Variants in MYO16 observed in about 807,000 individuals in gnomAD.
MYO16 encodes the protein unconventional myosin-XVI.
In MYO16, 94 loss-of-function variants were observed where a neutral mutation model predicts 205.3. The ratio of observed to expected loss-of-function variants is 0.46; its 90% CI spans 0.39 to 0.54. The LOEUF (loss-of-function observed/expected upper bound fraction) is 0.54. Ranked by LOEUF, MYO16 falls within the 20% of genes least tolerant of loss-of-function variation. The pLI is 0.00. For missense variants in MYO16, 2,315 were observed against 2,387.5 expected (o/e 0.97, Z 0.63); for synonymous variants, 988 against 954.0 (o/e 1.04, Z -0.66).
At chr13:108,773,269 T>G (rs561756877) in intron 4 of MYO16, among the ~76,000 whole-genome samples, 1 of 152,306 alleles carries the variant, frequency 6.6e-6, no homozygotes, top group East Asian at 1.9e-4. Flanking sequence ...AAACATATAG[T>G]CCGTTGTATT....
chr13:108,845,805 C>T (rs976361915), intron 10 of MYO16, among the ~76,000 whole-genome samples: 2 of 152,150 alleles, frequency 1.3e-5, no homozygotes, highest in African/African-American at 2.4e-5. Context: ...CAGCCTCAAC[C>T]TCACAGGCTC....
chr13:108,999,968 T>C (rs1885159457), intron 21 of MYO16, among the ~76,000 whole-genome samples: 1 of 152,238 alleles, frequency 6.6e-6, no homozygotes, highest in South Asian at 2.1e-4. Context: ...GTTTTTTCCA[T>C]AGTGGAATTT....
intron 1 of MYO16, among the ~76,000 whole-genome samples, chr13:108,665,272 T>TATTC (rs1190987917): frequency 1.1e-4 from 16 of 152,118 alleles, no homozygotes; most frequent in African/African-American, 3.9e-4. Flanking sequence ...ATTTATTATT[T>TATTC]ATTTATTTAT....
chr13:108,754,297 T>C (rs34204440), intron 4 of MYO16, among the ~76,000 whole-genome samples: 23,710 of 152,102 alleles, frequency 0.16, 2,079 homozygotes, highest in Non-Finnish European at 0.21. Flanking sequence ...GAACAAGCTG[T>C]AGCATGCAGG....
At chr13:108,520,016 C>T in the MYO16 span, among the ~76,000 whole-genome samples, 501 of 152,210 alleles carry the variant, frequency 3.3e-3, 1 homozygote, top group Non-Finnish European at 5.4e-3. Flanking sequence ...AAGATAGCAA[C>T]TTACTAGAAT....
intron 1 of MYO16, among the ~76,000 whole-genome samples, chr13:108,648,762 T>A (rs977558783): frequency 6.6e-6 from 1 of 152,040 alleles, no homozygotes; most frequent in Non-Finnish European, 1.5e-5. Flanking sequence ...AATCAACTCA[T>A]AATGGTTTAA....
At chr13:108,667,175 G>A (rs371620380) in intron 2 of MYO16, among the ~76,000 whole-genome samples, 1 of 152,030 alleles carries the variant, frequency 6.6e-6, no homozygotes, top group Non-Finnish European at 1.5e-5. Context: ...TTTCAAATGG[G>A]GATTGTGGAT....
intron 24 of MYO16, among the ~76,000 whole-genome samples, chr13:109,047,322 C>T (rs1887079763): frequency 6.6e-6 from 1 of 152,050 alleles, no homozygotes; most frequent in Non-Finnish European, 1.5e-5. Flanking sequence ...GTTATTTAAG[C>T]CACAACAGGG....
chr13:109,049,609 T>G (rs1298278087), intron 24 of MYO16, among the ~76,000 whole-genome samples: 1 of 152,124 alleles, frequency 6.6e-6, no homozygotes, highest in East Asian at 1.9e-4. Flanking sequence ...ACCCACCTTC[T>G]CAGTAATGTT....
At chr13:108,982,172 G>T (rs1008101115) in intron 20 of MYO16, among the ~76,000 whole-genome samples, 12 of 152,322 alleles carry the variant, frequency 7.9e-5, no homozygotes, top group African/African-American at 2.9e-4. Flanking sequence ...AGGACATGAG[G>T]ACTATGGTTA....
chr13:108,800,612 T>C (rs1886942757), intron 6 of MYO16, among the ~76,000 whole-genome samples: 2 of 152,226 alleles, frequency 1.3e-5, no homozygotes, highest in Admixed American at 1.3e-4. Context: ...CCTGTGTTAG[T>C]GTTATGATGA....
chr13:108,846,764 T>A (rs990196809), intron 10 of MYO16, among the ~76,000 whole-genome samples: 8 of 152,162 alleles, frequency 5.3e-5, no homozygotes, highest in African/African-American at 1.9e-4. Flanking sequence ...TTTTTGTTTT[T>A]ACTGGCATTG....
chr13:108,497,914 T>C, the MYO16 span, among the ~76,000 whole-genome samples: 2 of 152,286 alleles, frequency 1.3e-5, no homozygotes, highest in East Asian at 3.9e-4. Context: ...TGAATAAAAA[T>C]AGAAATATTG....
intron 21 of MYO16, among the ~76,000 whole-genome samples, chr13:109,004,871 G>A (rs1241193420): frequency 6.6e-6 from 1 of 152,148 alleles, no homozygotes; most frequent in Non-Finnish European, 1.5e-5. Flanking sequence ...AATCGTATTT[G>A]CCTTAACAAC....
chr13:108,677,022 G>T (rs1390944074), intron 2 of MYO16, among the ~76,000 whole-genome samples: 2 of 152,108 alleles, frequency 1.3e-5, no homozygotes, highest in African/African-American at 4.8e-5. Flanking sequence ...ACTAAAATGT[G>T]TGTTATGCAA....
Position 108,684,133 on chromosome 13 carries a change from C to G in MYO16, c.292+17984C>G, listed in dbSNP as rs1361932175. On this transcript the variant is annotated intron_variant, in intron 2 of 34. Transcript: ENST00000457511. ...TCGTGATCCGCCCGCCTCGGCCTCC[C>G]GAAGTGCTGGGATTACAGGCGTGAG... is the stretch of plus-strand genomic sequence containing the variant. Among the ~76,000 whole-genome samples, 6 of 152,178 alleles carry G rather than the reference C, an allele frequency of 3.9e-5. No individual in the cohort carries two copies. The East Asian group carries it at 1.2e-3, about 29-fold the overall frequency.
Position 109,141,009 on chromosome 13 carries a change from GC to G in MYO16, c.4802del (p.Pro1601ArgfsTer24). The G allele has an allele frequency of 7.7e-7, 1 of 1,291,878 alleles. No homozygotes were observed. The highest frequency in any genetic ancestry group is 9.8e-7 in the Non-Finnish European group (1 of 1,015,808). The allele number at this position is 1,291,878 out of a possible 1,614,324, so 80.0% of individuals were successfully genotyped here. A position where few individuals can be genotyped will look rare whatever the true frequency, so the allele number is the denominator to read the frequency against. On this transcript the variant is annotated frameshift_variant, in exon 32 of 35. Coordinates refer to ENST00000457511, the MANE Select transcript of MYO16 (RefSeq NM_001198950.3). LOFTEE classifies it high-confidence loss of function. The surrounding 1 kb of genome is among the most constrained non-coding windows in gnomAD (Gnocchi z 4.1). Reference protein sequence around the residue: ...SPPSTPPPPPPPPGPPPAPYR... With the variant: ...SPPSTPPPPPXPPGPPPAPYR... Reference sequence around the variant, plus strand: ...CGCCGTCCACGCCGCCCCCGCCCCCGCCCCCGCCCGGGCCGCCCCCCGCGCC... The same window carrying G: ...CGCCGTCCACGCCGCCCCCGCCCCCGCCCCGCCCGGGCCGCCCCCCGCGCC...
intron 20 of MYO16, among the ~76,000 whole-genome samples, chr13:108,973,192 G>GA (rs897812925): frequency 7.3e-5 from 11 of 151,620 alleles, no homozygotes; most frequent in Admixed American, 3.3e-4. Flanking sequence ...ATTATGGAGG[G>GA]AAAAAATGAA....
Position 108,822,226 on chromosome 13 carries a change from A to G in MYO16, c.944-899A>G, listed in dbSNP as rs182803632. 2.4e-4 allele frequency among the ~76,000 whole-genome samples: 37 copies of G among 152,316 alleles called. No homozygotes were observed. In the East Asian group the frequency reaches 6.0e-3, roughly 25 times the overall value. The stretch of plus-strand genomic sequence containing the variant: ...ATTTGTTAAGTGGGACATAAATTTA[A>G]TCTCCCAAAGTAAGAAAGCTGAGCA... On this transcript the variant is annotated intron_variant, in intron 8 of 34. Transcript: ENST00000457511.
Sources: gnomAD v4.1 joint callset for allele counts (sites outside exome capture counted in the v4.1 genomes callset) on GRCh38, gnomAD v4.1.1 for gene constraint, Gnocchi (gnomAD v3.1) non-coding constraint, MANE v1.5 for transcripts, NCBI Gene and HGNC (gene_info 2026-07-23, HGNC 2026-07-21) for gene names.